The following CNTN5 variants were observed in gnomAD, a reference collection of about 807,000 sequenced individuals.
The protein encoded by CNTN5 is contactin-5.
In CNTN5, 77 loss-of-function variants were observed where a neutral mutation model predicts 129.1. The observed-to-expected ratio is 0.60, with a 90% CI of 0.50 to 0.72. CNTN5 has a LOEUF of 0.72. Among genes scored for constraint, CNTN5 ranks in the 30% least tolerant of loss-of-function variants. CNTN5 has a pLI of 0.00. For synonymous variants in CNTN5, 509 were observed against 465.6 expected (o/e 1.09, Z -1.20); for missense variants, 1,478 against 1,328.8 (o/e 1.11, Z -1.75).
chr11:99,407,935 G>C (rs191395866), intron 2 of CNTN5, among the ~76,000 whole-genome samples: 282 of 152,142 alleles, frequency 1.9e-3, no homozygotes, highest in Admixed American at 3.6e-3. Context: ...CACTACCCAG[G>C]GATTGGAGAA....
At chr11:99,078,475 T>G (rs1232333190) in intron 1 of CNTN5, among the ~76,000 whole-genome samples, 2 of 152,188 alleles carry the variant, frequency 1.3e-5, no homozygotes, top group East Asian at 3.8e-4. Context: ...GATATCTGGA[T>G]GCCCATATTT....
Position 99,323,874 on chromosome 11 carries a change from A to G in CNTN5, c.-209-1472A>G, listed in dbSNP as rs537821189. On this transcript the variant is annotated intron_variant, in intron 1 of 24. Transcript: ENST00000524871. Reference sequence around the variant, plus strand: ...ATTAAGAAAAGAATGAAGGGAGAAGAAAAAAGGAAGAGGGACAAAAGCGAG... The same window carrying G: ...ATTAAGAAAAGAATGAAGGGAGAAGGAAAAAGGAAGAGGGACAAAAGCGAG... Among the ~76,000 whole-genome samples, 84 of 152,280 alleles carry G rather than the reference A, an allele frequency of 5.5e-4. 1 individual carries two copies. The highest frequency in any genetic ancestry group is 2.0e-3 in the African/African-American group (84 of 41,580).
intron 3 of CNTN5, among the ~76,000 whole-genome samples, chr11:99,611,911 C>T (rs1251773996): frequency 1.3e-5 from 2 of 152,008 alleles, no homozygotes; most frequent in African/African-American, 2.4e-5. Flanking sequence ...TTCTATAATC[C>T]TACAATGAAG....
At chr11:100,170,201 C>T (rs1947781383) in intron 13 of CNTN5, among the ~76,000 whole-genome samples, 1 of 152,016 alleles carries the variant, frequency 6.6e-6, no homozygotes, top group African/African-American at 2.4e-5. Flanking sequence ...ATATTACCAT[C>T]TCTCATTTTG....
rs190956505 is a variant in CNTN5, at chr11:99,804,116, A to G, written c.56-15428A>G. ...CCAAATCTTCTACTTTTTATACCAA[A>G]AGGCTGGTGGTTTTCAGTCAATATA... On this transcript the variant is annotated intron_variant, in intron 3 of 24. Transcript: ENST00000524871. Among the ~76,000 whole-genome samples, 7 of 152,260 alleles carry G rather than the reference A, an allele frequency of 4.6e-5. No individual in the cohort carries two copies. In the East Asian group the frequency reaches 1.3e-3, roughly 29 times the overall value.
chr11:99,332,274 A>G (rs1409006761), intron 2 of CNTN5, among the ~76,000 whole-genome samples: 1 of 148,168 alleles, frequency 6.7e-6, no homozygotes, highest in East Asian at 2.0e-4. Context: ...TAAAATTAAG[A>G]TCAAATCCTA....
At chr11:99,842,431 T>C (rs1947539640) in intron 4 of CNTN5, among the ~76,000 whole-genome samples, 1 of 152,234 alleles carries the variant, frequency 6.6e-6, no homozygotes, top group Non-Finnish European at 1.5e-5. Context: ...ACAACTGATA[T>C]TCCTACTAAT....
chr11:99,844,886 A>T lies in CNTN5; in HGVS notation c.312A>T (p.Glu104Asp). ...SVDYGPVFVQ[E>D]PDDIIFPTDS... is the part of the protein sequence containing the mutation. ...ACTATGGGCCAGTTTTTGTGCAAGA[A>T]CCAGATGATATTATTTTTCCAACTG... Residue 104 changes from glutamate to aspartate, a missense_variant, in exon 5 of 25, where the codon GAA becomes GAT. Coordinates refer to ENST00000524871, the MANE Select transcript of CNTN5 (RefSeq NM_014361.4). 6.2e-7 allele frequency: 1 copy of T among 1,613,822 alleles called. No homozygotes were observed. The highest frequency in any genetic ancestry group is 8.5e-7 in the Non-Finnish European group (1 of 1,179,770).
At chr11:99,357,504 C>A (rs552419276) in intron 2 of CNTN5, among the ~76,000 whole-genome samples, 1 of 151,406 alleles carries the variant, frequency 6.6e-6, no homozygotes, top group South Asian at 2.1e-4. Flanking sequence ...CACACACACA[C>A]TCTAAGGTTT....
intron 1 of CNTN5, among the ~76,000 whole-genome samples, chr11:99,308,328 T>G (rs1262619484): frequency 6.6e-6 from 1 of 152,184 alleles, no homozygotes; most frequent in African/African-American, 2.4e-5. Flanking sequence ...AACATTATAT[T>G]TGTTGTAATA....
chr11:99,545,048 T>A (rs1392070076), intron 2 of CNTN5, among the ~76,000 whole-genome samples: 1 of 152,232 alleles, frequency 6.6e-6, no homozygotes, highest in Non-Finnish European at 1.5e-5. Flanking sequence ...ATCTGCCTAA[T>A]ATTTTATAAC....
intron 3 of CNTN5, among the ~76,000 whole-genome samples, chr11:99,615,411 A>T (rs1950728806): frequency 6.6e-6 from 1 of 152,180 alleles, no homozygotes; most frequent in Admixed American, 6.5e-5. Flanking sequence ...TTTAAGAAGA[A>T]TTTTTATTGA....
chr11:99,512,479 C>G (rs1221738487), intron 2 of CNTN5, among the ~76,000 whole-genome samples: 1 of 152,118 alleles, frequency 6.6e-6, no homozygotes, highest in African/African-American at 2.4e-5. Flanking sequence ...TATAGGCATA[C>G]CTTGCTTTAT....
chr11:99,729,482 T>C (rs1254283601), intron 3 of CNTN5, among the ~76,000 whole-genome samples: 1 of 152,198 alleles, frequency 6.6e-6, no homozygotes, highest in Non-Finnish European at 1.5e-5. Context: ...CCAGTGTCTG[T>C]TGTTCCCTTC....
chr11:99,541,281 T>C (rs1277665293), intron 2 of CNTN5, among the ~76,000 whole-genome samples: 1 of 152,230 alleles, frequency 6.6e-6, no homozygotes, highest in African/African-American at 2.4e-5. Context: ...CACTGTATTT[T>C]GTGTTATGAA....
intron 7 of CNTN5, among the ~76,000 whole-genome samples, chr11:99,923,677 T>G (rs1005886089): frequency 6.6e-6 from 1 of 152,176 alleles, no homozygotes; most frequent in African/African-American, 2.4e-5. Context: ...CTGAGCTAAT[T>G]TGCATTCCCA....
At chr11:100,334,543 C>T (rs1951986338) in intron 21 of CNTN5, among the ~76,000 whole-genome samples, 1 of 152,030 alleles carries the variant, frequency 6.6e-6, no homozygotes, top group African/African-American at 2.4e-5. Flanking sequence ...GTTCATCAAT[C>T]AATGAGTGGA....
chr11:99,086,496 G>A (rs6589889), intron 1 of CNTN5, among the ~76,000 whole-genome samples: 82,965 of 151,976 alleles, frequency 0.55, 23,613 homozygotes, highest in African/African-American at 0.71. Flanking sequence ...GATCAAGAGA[G>A]TGAGGGGGAC....
intron 9 of CNTN5, among the ~76,000 whole-genome samples, chr11:100,002,455 A>G (rs187771977): frequency 1.6e-4 from 25 of 152,292 alleles, no homozygotes; most frequent in African/African-American, 5.8e-4. Context: ...TCCTTATGTA[A>G]ATAAAGAAGA....
Sources: allele counts gnomAD v4.1 joint callset (sites outside exome capture counted in the v4.1 genomes callset), GRCh38; gene constraint gnomAD v4.1.1; transcripts MANE v1.5; gene names NCBI Gene and HGNC (gene_info 2026-07-23, HGNC 2026-07-21).